Variants in MAPKAPK3 observed in about 807,000 individuals in gnomAD.
MAPKAPK3 encodes MAP kinase-activated protein kinase 3.
Under a neutral mutation model 49.2 loss-of-function variants are expected in MAPKAPK3, and 35 were observed. That is an observed-to-expected ratio of 0.71 (90% CI 0.54 to 0.94). MAPKAPK3 has a LOEUF of 0.94. MAPKAPK3 is among the 40% of genes least tolerant of loss of function. MAPKAPK3 has a pLI of 0.00. For missense variants in MAPKAPK3, 398 were observed against 493.1 expected (o/e 0.81, Z 1.83); for synonymous variants, 178 against 188.7 (o/e 0.94, Z 0.46).
Position 50,644,547 on chromosome 3 carries a change from C to A in MAPKAPK3, c.628+15C>A. ...CTATTATGTGGGTGAGTCCTTCGGA[C>A]ATGAGTTGTAACTCCTCACCCCAAC... On this transcript the variant is annotated intron_variant, in intron 6 of 10. Transcript: ENST00000621469. 6.2e-7 allele frequency: 1 copy of A among 1,613,686 alleles called. No individual in the cohort carries two copies. The highest frequency in any genetic ancestry group is 2.2e-5 in the East Asian group (1 of 44,878).
chr3:50,646,405 C>T, intron 8 of MAPKAPK3, 141 bp downstream of exon 8: 2 of 1,207,922 alleles, frequency 1.7e-6, no homozygotes, highest in Admixed American at 4.9e-5. Flanking sequence ...AGGCAAGTCC[C>T]CTAACCTTCT....
intron 2 of MAPKAPK3, among the ~76,000 whole-genome samples, chr3:50,638,621 G>A (rs887232492): frequency 3.9e-5 from 6 of 152,200 alleles, no homozygotes; most frequent in African/African-American, 1.4e-4. Context: ...TGTATTCCCA[G>A]GCTAGGGTTG....
chr3:50,621,826 G>T (rs541614981), intron 2 of MAPKAPK3, among the ~76,000 whole-genome samples: 17 of 152,282 alleles, frequency 1.1e-4, no homozygotes, highest in African/African-American at 3.9e-4. Context: ...TAATGGTGGG[G>T]TCTTCTTTCC....
chr3:50,639,814 C>T (rs1339600305), intron 2 of MAPKAPK3, among the ~76,000 whole-genome samples: 1 of 152,164 alleles, frequency 6.6e-6, no homozygotes, highest in Non-Finnish European at 1.5e-5. Context: ...CCAGCCTTTC[C>T]CCAGCACCTT....
chr3:50,643,206 A>G (rs1161185283), intron 5 of MAPKAPK3, among the ~76,000 whole-genome samples: 1 of 152,178 alleles, frequency 6.6e-6, no homozygotes, highest in Non-Finnish European at 1.5e-5. Context: ...AGGCCCCCTG[A>G]TACCAGCATT....
intron 5 of MAPKAPK3, 47 bp downstream of exon 5, chr3:50,642,379 T>C: frequency 7.2e-7 from 1 of 1,391,516 alleles, no homozygotes; most frequent in Non-Finnish European, 1.0e-6. Context: ...GAGGATATTG[T>C]CCCACTCCAC....
intron 6 of MAPKAPK3, among the ~76,000 whole-genome samples, chr3:50,645,178 C>G (rs1291199893): frequency 1.3e-5 from 2 of 152,176 alleles, no homozygotes; most frequent in African/African-American, 4.8e-5. Context: ...GTTGAAATGG[C>G]ACTCTGTTAA....
intron 2 of MAPKAPK3, among the ~76,000 whole-genome samples, chr3:50,622,827 C>G (rs2032643493): frequency 6.6e-6 from 1 of 152,222 alleles, no homozygotes; most frequent in African/African-American, 2.4e-5. Flanking sequence ...TGCCTGCTGT[C>G]CAGGCTGCAC....
intron 2 of MAPKAPK3, among the ~76,000 whole-genome samples, chr3:50,635,749 G>A (rs973874514): frequency 2.6e-5 from 4 of 151,496 alleles, no homozygotes; most frequent in African/African-American, 9.7e-5. Flanking sequence ...GATAGGTTGT[G>A]AGAGGTTTTC....
chr3:50,626,882 A>G lies in MAPKAPK3; in HGVS notation c.219+9098A>G, dbSNP rs2107580351. On this transcript the variant is annotated intron_variant, in intron 2 of 10. Transcript: ENST00000621469. ...TGCTCCTCTGGGGATCAGGAGCCAC[A>G]GTCTGCTCATCAGCAAAATGAGAGC... Among the ~76,000 whole-genome samples the G allele has an allele frequency of 1.3e-5, 2 of 152,300 alleles. 1 individual carries two copies. The highest frequency in any genetic ancestry group is 6.8e-3 in the Middle Eastern group (2 of 294).
intron 9 of MAPKAPK3, 29 bp from the exon 10 acceptor site, chr3:50,647,094 C>G: frequency 6.5e-7 from 1 of 1,548,002 alleles, no homozygotes; most frequent in Non-Finnish European, 8.8e-7. Flanking sequence ...CCTCCAGTTT[C>G]TAATCCACGG....
chr3:50,641,728 C>T lies in MAPKAPK3; in HGVS notation c.381C>T (p.Phe127=), dbSNP rs534053112. ...IMECMEGGEL[F]SRIQERGDQA... ...ACAGCATGGAAGGTGGTGAGTTGTT[C>T]AGCAGGATTCAGGAGCGTGGCGACC... Residue 127 remains phenylalanine, a synonymous_variant, in exon 4 of 11, where the codon TTC becomes TTT. Transcript: ENST00000621469. 6.8e-6 allele frequency: 11 copies of T among 1,614,078 alleles called. No homozygotes were observed. The highest frequency in any genetic ancestry group is 2.2e-5 in the East Asian group (1 of 44,878).
chr3:50,620,625 C>T (rs1220940607), intron 2 of MAPKAPK3, among the ~76,000 whole-genome samples: 1 of 152,178 alleles, frequency 6.6e-6, no homozygotes, highest in Non-Finnish European at 1.5e-5. Flanking sequence ...GCAGGTCCCT[C>T]CCTCCCAGGG....
intron 5 of MAPKAPK3, 72 bp from the exon 6 acceptor site, chr3:50,644,337 T>C (rs1378044843): frequency 8.2e-6 from 13 of 1,577,398 alleles, no homozygotes; most frequent in Non-Finnish European, 1.1e-5. Flanking sequence ...GGAGTCTGGC[T>C]GAAGATCACC....
At chr3:50,633,333 C>T (rs1436628395) in intron 2 of MAPKAPK3, among the ~76,000 whole-genome samples, 1 of 151,948 alleles carries the variant, frequency 6.6e-6, no homozygotes, top group East Asian at 1.9e-4. Flanking sequence ...CACACATATG[C>T]CCACGGGCCC....
At position 50,617,572 on chromosome 3, in the gene MAPKAPK3, G is replaced by A. The variant is rs368742045; in HGVS notation, c.7G>A (p.Gly3Ser). 18 of 1,547,202 alleles carry A rather than the reference G, an allele frequency of 1.2e-5. No individual in the cohort carries two copies. In the African/African-American group the frequency reaches 1.8e-4, roughly 15 times the overall value. MD[G>S]ETAEEQGGPV... ...TGAGCGCCCCGCGGGGGCCATGGAT[G>A]GTGAAACAGCAGAGGAGCAGGGGGG... The change falls in exon 2 of 11, where the codon GGT (glycine) becomes AGT (serine). Residue 3 changes from glycine to serine, a missense_variant. This residue lies in a region of MAPKAPK3 where 123 missense variants were observed against 117.7 expected (regional missense o/e 1.04). Transcript: ENST00000621469.
chr3:50,626,700 C>T (rs1181179218), intron 2 of MAPKAPK3, among the ~76,000 whole-genome samples: 1 of 152,172 alleles, frequency 6.6e-6, no homozygotes, highest in East Asian at 1.9e-4. Context: ...ACATGTCAGG[C>T]ACAAACACTG....
At chr3:50,625,428 G>A (rs1300290859) in intron 2 of MAPKAPK3, among the ~76,000 whole-genome samples, 2 of 152,164 alleles carry the variant, frequency 1.3e-5, no homozygotes, top group Non-Finnish European at 2.9e-5. Context: ...GGAACTAAGT[G>A]GATTAGGCCC....
intron 2 of MAPKAPK3, among the ~76,000 whole-genome samples, chr3:50,620,963 A>T (rs150397664): frequency 1.3e-5 from 2 of 152,328 alleles, no homozygotes; most frequent in African/African-American, 4.8e-5. Flanking sequence ...GTCACACATC[A>T]GTTACCCCAC....
Sources: gnomAD v4.1 joint callset for allele counts (sites outside exome capture counted in the v4.1 genomes callset) on GRCh38, gnomAD v4.1.1 for gene constraint, gnomAD v4.1.1 regional missense constraint, MANE v1.5 for transcripts, NCBI Gene and HGNC (gene_info 2026-07-23, HGNC 2026-07-21) for gene names.